The following MEIOSIN variants were observed in gnomAD, a reference collection of about 807,000 sequenced individuals.
MEIOSIN encodes the protein meiosis initiator, also known as meiosis initiator protein.
MEIOSIN carries 18 observed loss-of-function variants against 23.4 expected under a neutral mutation model. The ratio of observed to expected loss-of-function variants is 0.77; its 90% CI spans 0.53 to 1.14. The LOEUF (loss-of-function observed/expected upper bound fraction) is 1.14, where lower values mean the gene tolerates loss of function less well. Among genes scored for constraint, MEIOSIN ranks in the 50% most tolerant of loss-of-function variants. The pLI is 0.00. For missense variants in MEIOSIN, 428 were observed against 242.9 expected, an observed-to-expected ratio of 1.76 and a Z score of -5.07; for synonymous variants, 187 against 100.6, an observed-to-expected ratio of 1.86 and a Z score of -5.14.
intron 2 of MEIOSIN, among the ~76,000 whole-genome samples, chr19:45,736,176 A>G (rs1026143187): frequency 3.9e-5 from 6 of 151,930 alleles, no homozygotes; most frequent in African/African-American, 1.2e-4. Flanking sequence ...CCTTCCGAAC[A>G]GCTAAGATTA....
At chr19:45,738,487 G>T (rs1336911520) in intron 2 of MEIOSIN, among the ~76,000 whole-genome samples, 1 of 152,198 alleles carries the variant, frequency 6.6e-6, no homozygotes, top group Non-Finnish European at 1.5e-5. Flanking sequence ...GCATGGTGGT[G>T]TGTGCCGGTA....
At chr19:45,736,696 G>A (rs1968413370) in intron 2 of MEIOSIN, among the ~76,000 whole-genome samples, 1 of 152,056 alleles carries the variant, frequency 6.6e-6, no homozygotes, top group Non-Finnish European at 1.5e-5. Context: ...AGCCTCCTGA[G>A]TAGCTGGGAC....
At chr19:45,753,328 T>C (rs181013496) in intron 5 of MEIOSIN, among the ~76,000 whole-genome samples, 38 of 152,044 alleles carry the variant, frequency 2.5e-4, no homozygotes, top group Admixed American at 2.3e-3. Context: ...AGACCCTCAC[T>C]GTGTTGAGGA....
intron 4 of MEIOSIN, 69 bp downstream of exon 4, chr19:45,745,390 C>T: frequency 7.5e-6 from 5 of 669,590 alleles, no homozygotes; most frequent in East Asian, 5.4e-5. Flanking sequence ...ATGGGTCACC[C>T]TCTCCTGGGA....
chr19:45,753,056 TG>T (rs1203695038), intron 5 of MEIOSIN, among the ~76,000 whole-genome samples: 1 of 151,364 alleles, frequency 6.6e-6, no homozygotes, highest in Admixed American at 6.6e-5. Context: ...CCCAAGTAAC[TG>T]GGATTACAGG....
intron 6 of MEIOSIN, among the ~76,000 whole-genome samples, chr19:45,754,188 G>A (rs754888369): frequency 5.3e-5 from 8 of 152,176 alleles, no homozygotes; most frequent in Non-Finnish European, 1.2e-4. Flanking sequence ...TGTTGGCCAG[G>A]CTGGTCTTGA....
rs1252643387 is a variant in MEIOSIN at position 45,764,089 on chromosome 19, G to A, written c.1888G>A (p.Ala630Thr). ...KPFYQLLAEK[A>T]LPLPPHLQ Reference sequence around the variant, plus strand: ...CTTCTACCAGCTGCTGGCCGAGAAGGCCTTGCCGCTGCCCCCGCACCTCCA... The same window carrying A: ...CTTCTACCAGCTGCTGGCCGAGAAGACCTTGCCGCTGCCCCCGCACCTCCA... The change falls in exon 15 of 15, where the codon GCC becomes ACC. Residue 630 changes from alanine to threonine, a missense_variant. Transcript: ENST00000457052. 5 of 398,534 alleles carry A rather than the reference G, an allele frequency of 1.3e-5. No homozygotes were observed. The highest frequency in any genetic ancestry group is 1.8e-5 in the Non-Finnish European group (4 of 226,076). 24.7% of individuals were successfully genotyped at this position (398,534 alleles called of 1,614,324 possible). A position where few individuals can be genotyped will look rare whatever the true frequency, so the allele number is the denominator to read the frequency against.
At chr19:45,746,825 GA>G (rs376837969) in intron 4 of MEIOSIN, among the ~76,000 whole-genome samples, 3,255 of 96,804 alleles carry the variant, frequency 0.034, 48 homozygotes, top group Non-Finnish European at 0.046. Context: ...TGTCTCAAAA[GA>G]AAAAAAAAAA....
chr19:45,735,366 C>A lies in MEIOSIN; in HGVS notation c.1-11C>A. Reference sequence around the variant, plus strand: ...CAGAGGTCACTAATCATTCTTTTTCCCTCTTTGCAGATGTTTGGTTCCAGC... The same window carrying A: ...CAGAGGTCACTAATCATTCTTTTTCACTCTTTGCAGATGTTTGGTTCCAGC... On this transcript the variant is annotated splice_polypyrimidine_tract_variant and intron_variant, in intron 1 of 14. Coordinates refer to ENST00000457052, the MANE Select transcript of MEIOSIN (RefSeq NM_001310124.2). The A allele has an allele frequency of 1.4e-6, 1 of 702,504 alleles. No individual in the cohort carries two copies. The allele number at this position is 702,504 out of a possible 1,614,324, so 43.5% of individuals were successfully genotyped here. A position where few individuals can be genotyped will look rare whatever the true frequency, so the allele number is the denominator to read the frequency against.
chr19:45,737,680 C>T (rs1403031809), intron 2 of MEIOSIN, among the ~76,000 whole-genome samples: 1 of 151,032 alleles, frequency 6.6e-6, no homozygotes, highest in Non-Finnish European at 1.5e-5. Context: ...CACCTATAAT[C>T]TCAGCACTTT....
chr19:45,758,047 G>C (rs1354824633), intron 9 of MEIOSIN, among the ~76,000 whole-genome samples: 2 of 151,294 alleles, frequency 1.3e-5, no homozygotes, highest in Non-Finnish European at 2.9e-5. Context: ...TCCCAGGCTA[G>C]AGTGCAGTGG....
intron 2 of MEIOSIN, among the ~76,000 whole-genome samples, chr19:45,736,938 G>C (rs561564418): frequency 6.8e-6 from 1 of 147,294 alleles, no homozygotes; most frequent in South Asian, 2.1e-4. Context: ...GCATGAACTC[G>C]GCTCTCTGCA....
At chr19:45,741,359 A>G (rs1294045515) in intron 3 of MEIOSIN, among the ~76,000 whole-genome samples, 1 of 152,094 alleles carries the variant, frequency 6.6e-6, no homozygotes, top group Non-Finnish European at 1.5e-5. Context: ...GAAAAAAAAA[A>G]GAAAAATATT....
At chr19:45,750,441 C>T (rs1968680300) in intron 4 of MEIOSIN, among the ~76,000 whole-genome samples, 1 of 150,688 alleles carries the variant, frequency 6.6e-6, no homozygotes, top group Non-Finnish European at 1.5e-5. Context: ...CTCACTGCAA[C>T]CTCCGCCTCA....
chr19:45,758,768 C>CT (rs1489100800), intron 9 of MEIOSIN, 110 bp from the exon 10 acceptor site: 1 of 613,882 alleles, frequency 1.6e-6, no homozygotes, highest in African/African-American at 1.8e-5. Context: ...AAATGAGAAA[C>CT]TGAGATTCGC....
chr19:45,749,183 C>G (rs1009380116), intron 4 of MEIOSIN, among the ~76,000 whole-genome samples: 2 of 150,806 alleles, frequency 1.3e-5, no homozygotes, highest in Admixed American at 1.3e-4. Context: ...CCAGCCTGAA[C>G]AACATGGCGA....
intron 2 of MEIOSIN, among the ~76,000 whole-genome samples, chr19:45,735,720 A>C (rs1193749138): frequency 6.6e-6 from 1 of 152,112 alleles, no homozygotes; most frequent in Non-Finnish European, 1.5e-5. Flanking sequence ...CCTGTTGCCC[A>C]GGCTGGAGTG....
intron 2 of MEIOSIN, among the ~76,000 whole-genome samples, chr19:45,737,914 C>CT (rs1491058384): frequency 2.7e-5 from 4 of 149,000 alleles, no homozygotes; most frequent in African/African-American, 1.0e-4. Context: ...GAGTGAAACT[C>CT]TGTCTCAAAA....
At chr19:45,759,152 C>A in intron 10 of MEIOSIN, 119 bp downstream of exon 10, 1 of 651,898 alleles carries the variant, frequency 1.5e-6, no homozygotes, top group Non-Finnish European at 2.8e-6. Flanking sequence ...CCTCAAGGAG[C>A]CCACGGCCTA....
Sources: allele counts gnomAD v4.1 joint callset (sites outside exome capture counted in the v4.1 genomes callset), GRCh38; gene constraint gnomAD v4.1.1; transcripts MANE v1.5; gene names NCBI Gene and HGNC (gene_info 2026-07-23, HGNC 2026-07-21).